Variants in MYO3B observed in about 807,000 individuals in gnomAD.
The protein encoded by MYO3B is myosin IIIB, also known as myosin-IIIb.
MYO3B carries 156 observed loss-of-function variants against 174.6 expected under a neutral mutation model. That is an observed-to-expected ratio of 0.89 (90% CI 0.78 to 1.02). The LOEUF is 1.02. Among genes scored for constraint, MYO3B ranks in the 50% least tolerant of loss-of-function variants. MYO3B has a pLI of 0.00. For missense variants in MYO3B, 1,632 were observed against 1,639.4 expected (o/e 1.00, Z 0.08); for synonymous variants, 563 against 569.1 (o/e 0.99, Z 0.15).
chr2:170,367,903 T>C (rs1322049970), intron 8 of MYO3B, among the ~76,000 whole-genome samples: 1 of 152,182 alleles, frequency 6.6e-6, no homozygotes, highest in Non-Finnish European at 1.5e-5. Context: ...AGCAGCTGAA[T>C]GGAGATAATT....
intron 3 of MYO3B, among the ~76,000 whole-genome samples, chr2:170,212,140 G>A (rs1485583772): frequency 2.0e-5 from 3 of 152,108 alleles, no homozygotes; most frequent in Non-Finnish European, 4.4e-5. Flanking sequence ...CTACTCTGGA[G>A]GCTGAGGCAG....
intron 32 of MYO3B, among the ~76,000 whole-genome samples, chr2:170,635,866 A>G (rs1036194812): frequency 3.9e-4 from 60 of 152,232 alleles, no homozygotes; most frequent in African/African-American, 1.4e-3. Context: ...GTTCGTAACC[A>G]CATGTATGTA....
At chr2:170,432,386 T>G (rs1356094445) in intron 22 of MYO3B, among the ~76,000 whole-genome samples, 1 of 151,854 alleles carries the variant, frequency 6.6e-6, no homozygotes, top group Non-Finnish European at 1.5e-5. Context: ...AATTAAAAAG[T>G]AAACAAAAAA....
chr2:170,512,672 G>C (rs1459859619), intron 28 of MYO3B, among the ~76,000 whole-genome samples: 1 of 152,170 alleles, frequency 6.6e-6, no homozygotes, highest in Non-Finnish European at 1.5e-5. Context: ...ACCATTAGAG[G>C]CCCAAGCACA....
intron 23 of MYO3B, among the ~76,000 whole-genome samples, chr2:170,451,728 C>A (rs1683604513): frequency 1.3e-5 from 2 of 152,120 alleles, no homozygotes; most frequent in African/African-American, 4.8e-5. Context: ...CAGTAGTTGT[C>A]AAGATTTTCA....
intron 32 of MYO3B, among the ~76,000 whole-genome samples, chr2:170,630,968 C>A (rs940637783): frequency 3.3e-5 from 5 of 152,166 alleles, no homozygotes; most frequent in African/African-American, 1.2e-4. Context: ...AGTAGAAAAG[C>A]TGAAAATTCT....
intron 32 of MYO3B, among the ~76,000 whole-genome samples, chr2:170,619,574 A>T (rs937993612): frequency 6.6e-6 from 1 of 151,386 alleles, no homozygotes; most frequent in African/African-American, 2.4e-5. Context: ...TTCCAAGCTC[A>T]CTCCCAACCA....
intron 32 of MYO3B, among the ~76,000 whole-genome samples, chr2:170,627,265 T>C (rs572795400): frequency 2.3e-4 from 35 of 152,216 alleles, no homozygotes; most frequent in Admixed American, 2.1e-3. Flanking sequence ...TATTCTTTTT[T>C]CTCTAAACTT....
intron 18 of MYO3B, 32 bp from the exon 19 acceptor site, chr2:170,402,816 C>G (rs781202844): frequency 1.8e-5 from 28 of 1,567,684 alleles, no homozygotes; most frequent in Non-Finnish European, 2.4e-5. Context: ...TGTTTCCTCC[C>G]CTAAAGAGTT....
At chr2:170,343,679 C>G (rs1437470616) in intron 8 of MYO3B, 2 of 152,242 alleles carry the variant, frequency 1.3e-5, no homozygotes, top group Non-Finnish European at 2.9e-5. Flanking sequence ...AAGAGTTAAA[C>G]ATGACTCCAG....
At chr2:170,308,550 T>C (rs1271415713) in intron 7 of MYO3B, among the ~76,000 whole-genome samples, 1 of 152,198 alleles carries the variant, frequency 6.6e-6, no homozygotes, top group East Asian at 1.9e-4. Context: ...TCTTAGATAA[T>C]CTTTACTATC....
chr2:170,454,376 G>C (rs948091005), intron 23 of MYO3B, among the ~76,000 whole-genome samples: 1 of 152,158 alleles, frequency 6.6e-6, no homozygotes, highest in South Asian at 2.1e-4. Flanking sequence ...CCAAGATTGG[G>C]CTACAGACAG....
At chr2:170,353,500 T>A (rs1427962324) in intron 8 of MYO3B, among the ~76,000 whole-genome samples, 1 of 152,234 alleles carries the variant, frequency 6.6e-6, no homozygotes, top group Non-Finnish European at 1.5e-5. Flanking sequence ...CATGTCATTA[T>A]AAATTTGCCC....
At chr2:170,613,414 G>C (rs537111483) in intron 32 of MYO3B, among the ~76,000 whole-genome samples, 1 of 152,272 alleles carries the variant, frequency 6.6e-6, no homozygotes, top group Admixed American at 6.5e-5. Context: ...GAGCATCCAA[G>C]CTCCACATTA....
chr2:170,624,705 T>C (rs1357150226), intron 32 of MYO3B, among the ~76,000 whole-genome samples: 1 of 152,220 alleles, frequency 6.6e-6, no homozygotes, highest in Non-Finnish European at 1.5e-5. Flanking sequence ...TGTGGGTTTG[T>C]CATAAATAGC....
intron 9 of MYO3B, among the ~76,000 whole-genome samples, chr2:170,380,222 C>T (rs999990399): frequency 1.3e-5 from 2 of 152,152 alleles, no homozygotes; most frequent in Admixed American, 1.3e-4. Context: ...AGTGAATTTA[C>T]AGTATGTAGG....
At chr2:170,298,678 CAAA>C (rs71399527) in intron 7 of MYO3B, among the ~76,000 whole-genome samples, 3 of 63,312 alleles carry the variant, frequency 4.7e-5, no homozygotes, top group African/African-American at 5.7e-5. Flanking sequence ...GACTCTGTCT[CAAA>C]AAAAAAAAAA....
intron 32 of MYO3B, among the ~76,000 whole-genome samples, chr2:170,618,235 A>G (rs1038455835): frequency 6.6e-6 from 1 of 152,212 alleles, no homozygotes; most frequent in Non-Finnish European, 1.5e-5. Context: ...AGACCTCGAT[A>G]GGAGCATCCA....
rs1352560659 is a variant in MYO3B at position 170,466,526 on chromosome 2, C to T, written c.2829C>T (p.Leu943=). Residue 943 remains leucine, a synonymous_variant, in exon 25 of 35, where the codon CTC becomes CTT. Coordinates refer to ENST00000408978, the MANE Select transcript of MYO3B (RefSeq NM_138995.5). ...GGTAGTATTCTCTGATGGACCTGCT[C>T]TCCAAAATGGTGGTTGGACAGCCCC... is the stretch of plus-strand genomic sequence containing the variant. ...SYFRYSLMDL[L]SKMVVGQPHF... The T allele has an allele frequency of 2.5e-6, 4 of 1,614,182 alleles. 1 individual carries two copies. The Admixed American group carries it at 6.7e-5, about 27-fold the overall frequency.
Sources: allele counts gnomAD v4.1 joint callset (sites outside exome capture counted in the v4.1 genomes callset), GRCh38; gene constraint gnomAD v4.1.1; transcripts MANE v1.5; gene names NCBI Gene and HGNC (gene_info 2026-07-23, HGNC 2026-07-21).